CACNB4: variants seen among roughly 807,000 people sequenced by gnomAD.
CACNB4 encodes the protein voltage-dependent L-type calcium channel subunit beta-4.
In CACNB4, 32 loss-of-function variants were observed where a neutral mutation model predicts 71.2. That is an observed-to-expected ratio of 0.45 (90% confidence interval 0.34 to 0.60). The LOEUF (loss-of-function observed/expected upper bound fraction) is 0.60. Ranked by LOEUF, CACNB4 falls within the 20% of genes least tolerant of loss-of-function variation. The probability of loss-of-function intolerance (pLI) is 0.01; values close to 1 mark genes in which losing one functional copy is unlikely to be tolerated. For missense variants in CACNB4, 464 were observed against 647.9 expected, an observed-to-expected ratio of 0.72 and a Z score of 3.08; for synonymous variants, 231 against 236.9, an observed-to-expected ratio of 0.97 and a Z score of 0.23.
At chr2:152,020,344 C>T (rs564739576) in intron 2 of CACNB4, among the ~76,000 whole-genome samples, 3 of 152,288 alleles carry the variant, frequency 2.0e-5, no homozygotes, top group South Asian at 2.1e-4. Context: ...TGGGTGAGAA[C>T]TGGATAAGTG....
chr2:152,001,849 A>C (rs2151781169), intron 2 of CACNB4, among the ~76,000 whole-genome samples: 1 of 152,310 alleles, frequency 6.6e-6, no homozygotes, highest in East Asian at 1.9e-4. Context: ...ATAGAATGTA[A>C]ATAAGTGTAA....
At chr2:151,845,086 C>T (rs2099837201) in intron 12 of CACNB4, among the ~76,000 whole-genome samples, 1 of 152,178 alleles carries the variant, frequency 6.6e-6, no homozygotes, top group Non-Finnish European at 1.5e-5. Flanking sequence ...AGGTTTATAT[C>T]TACTTGGCCG....
At chr2:151,896,996 G>A (rs889047651) in intron 2 of CACNB4, among the ~76,000 whole-genome samples, 1 of 152,192 alleles carries the variant, frequency 6.6e-6, no homozygotes, top group Non-Finnish European at 1.5e-5. Context: ...ATGCCCAGCA[G>A]AAGTGTTGGT....
chr2:152,001,993 C>T (rs1222266408), intron 2 of CACNB4, among the ~76,000 whole-genome samples: 1 of 152,226 alleles, frequency 6.6e-6, no homozygotes, highest in Non-Finnish European at 1.5e-5. Context: ...TAACAACGAG[C>T]ATTTCTCCAA....
intron 2 of CACNB4, among the ~76,000 whole-genome samples, chr2:151,957,149 T>G (rs995572220): frequency 1.3e-5 from 2 of 151,820 alleles, no homozygotes; most frequent in African/African-American, 4.8e-5. Context: ...TCAGACTCCA[T>G]CTCAAAAAAA....
chr2:152,016,991 A>G (rs1452212084), intron 2 of CACNB4, among the ~76,000 whole-genome samples: 1 of 150,642 alleles, frequency 6.6e-6, no homozygotes, highest in Non-Finnish European at 1.5e-5. Flanking sequence ...TAAAGGTAGA[A>G]CTGCAAGTTT....
intron 2 of CACNB4, chr2:151,970,221 C>T (rs528595516): frequency 1.3e-5 from 2 of 152,292 alleles, no homozygotes; most frequent in South Asian, 4.1e-4. Flanking sequence ...AACATTTTCT[C>T]AAGTAAGAAC....
At chr2:151,881,903 C>T (rs1358506829) in intron 3 of CACNB4, among the ~76,000 whole-genome samples, 4 of 132,170 alleles carry the variant, frequency 3.0e-5, no homozygotes, top group Admixed American at 7.8e-5. Flanking sequence ...TTTTTTGAGA[C>T]GGAGTCTCAC....
intron 2 of CACNB4, among the ~76,000 whole-genome samples, chr2:152,015,212 A>G (rs1007740171): frequency 7.9e-5 from 12 of 152,050 alleles, no homozygotes; most frequent in African/African-American, 2.9e-4. Context: ...GGCTCACCGC[A>G]ACCTCCGCCT....
chr2:152,045,780 G>A (rs1432679451), intron 2 of CACNB4, among the ~76,000 whole-genome samples: 3 of 152,118 alleles, frequency 2.0e-5, no homozygotes, highest in Non-Finnish European at 4.4e-5. Context: ...AGGCATAGCT[G>A]TGCATCCCGC....
chr2:151,938,663 CCAATGAGT>C (rs1560031109), intron 2 of CACNB4, among the ~76,000 whole-genome samples: 1 of 152,102 alleles, frequency 6.6e-6, no homozygotes, highest in Non-Finnish European at 1.5e-5. Flanking sequence ...TTTTAAAAAA[CCAATGAGT>C]CATTTGAAAT....
In CACNB4 at chr2:151,876,439, G is replaced by A. The variant is rs774452757; in HGVS notation, c.508C>T (p.Arg170Cys). ...ATGGGAACGTACCCTCCGTGAAAAC[G>A]TCCTCTTTTTTGTTCTTGCTGGATC... The part of the protein sequence containing the change: ...IRIQQEQKRG[R>C]FHGGKSSGNS... Residue 170 changes from arginine (R) to cysteine (C), a missense_variant, in exon 5 of 14, where the codon CGT becomes TGT. Transcript: ENST00000539935. 1.3e-6 allele frequency: 2 copies of A among 1,594,284 alleles called. No individual in the cohort carries two copies. Among genetic ancestry groups the A allele is most frequent in the African/African-American group, 1.3e-5 (1 of 74,348 alleles).
At chr2:151,930,838 T>A (rs971024367) in intron 2 of CACNB4, among the ~76,000 whole-genome samples, 1 of 152,216 alleles carries the variant, frequency 6.6e-6, no homozygotes, top group Admixed American at 6.5e-5. Context: ...ATATAGTTCA[T>A]TATGTAATAT....
intron 2 of CACNB4, among the ~76,000 whole-genome samples, chr2:152,083,087 C>T (rs1428276376): frequency 6.6e-6 from 1 of 152,136 alleles, no homozygotes; most frequent in Non-Finnish European, 1.5e-5. Flanking sequence ...CAATCTCAGC[C>T]ACTGTGGGGC....
At chr2:151,957,594 C>T (rs956477768) in intron 2 of CACNB4, among the ~76,000 whole-genome samples, 3 of 152,164 alleles carry the variant, frequency 2.0e-5, no homozygotes, top group African/African-American at 7.2e-5. Context: ...CTGTCACAAA[C>T]TCTCGAGCTG....
chr2:152,012,454 A>C (rs1007517652), intron 2 of CACNB4, among the ~76,000 whole-genome samples: 30 of 152,122 alleles, frequency 2.0e-4, no homozygotes, highest in African/African-American at 7.0e-4. Context: ...AAATACAAAA[A>C]TTAGCCGGGC....
intron 2 of CACNB4, among the ~76,000 whole-genome samples, chr2:152,042,231 C>A (rs892894421): frequency 1.3e-5 from 2 of 152,168 alleles, no homozygotes; most frequent in African/African-American, 4.8e-5. Context: ...ACTAACTAAT[C>A]TAGGGTCACC....
At chr2:152,029,203 A>T (rs1354805308) in intron 2 of CACNB4, among the ~76,000 whole-genome samples, 1 of 152,168 alleles carries the variant, frequency 6.6e-6, no homozygotes, top group Non-Finnish European at 1.5e-5. Context: ...TAAGAAAAGA[A>T]AGAGCCCAGG....
chr2:151,982,298 T>C (rs548180938), intron 2 of CACNB4, among the ~76,000 whole-genome samples: 7 of 151,678 alleles, frequency 4.6e-5, no homozygotes, highest in Admixed American at 4.0e-4. Flanking sequence ...ACAATAGGAG[T>C]GAAAGTCATG....
Sources: allele counts gnomAD v4.1 joint callset (sites outside exome capture counted in the v4.1 genomes callset), GRCh38; gene constraint gnomAD v4.1.1; transcripts MANE v1.5; gene names NCBI Gene and HGNC (gene_info 2026-07-23, HGNC 2026-07-21).